APOC1: variants seen among roughly 807,000 people sequenced by gnomAD.
APOC1 encodes apolipoprotein C-I.
Under a neutral mutation model 6.7 loss-of-function variants are expected in APOC1, and 4 were observed. That is an observed-to-expected ratio of 0.60 (90% CI 0.29 to 1.37). The LOEUF is 1.37. Ranked by LOEUF, APOC1 falls within the 40% of genes most tolerant of loss-of-function variation. The pLI is 0.09. For synonymous variants in APOC1, 33 were observed against 40.6 expected (o/e 0.81, Z 0.72); for missense variants, 122 against 99.4 (o/e 1.23, Z -0.97).
At position 44,919,215 on chromosome 19, in the gene APOC1, C is replaced by G; in HGVS notation, c.237C>G (p.Leu79=). The G allele has an allele frequency of 1.2e-6, 2 of 1,613,954 alleles. No homozygotes were observed. The highest frequency in any genetic ancestry group is 1.7e-6 in the Non-Finnish European group (2 of 1,179,878). ...CATTTCAGAAAGTGAAGGAGAAACT[C>G]AAGATTGACTCATGAGGACCTGAAG... ...SETFQKVKEK[L]KIDS is the part of the protein sequence containing the mutation. Residue 79 remains leucine, a synonymous_variant, in exon 4 of 4, where the codon CTC becomes CTG. Transcript: ENST00000592535.
chr19:44,916,414 A>C, intron 3 of APOC1, 89 bp downstream of exon 3: 1 of 1,559,996 alleles, frequency 6.4e-7, no homozygotes, highest in Non-Finnish European at 8.7e-7. Context: ...GATTGAAAAA[A>C]AAACAAGTCC....
chr19:44,918,867 C>G (rs763322222), intron 3 of APOC1: 6 of 354,150 alleles, frequency 1.7e-5, no homozygotes, highest in Non-Finnish European at 3.1e-5. Context: ...CCATGTTGCC[C>G]AGGTTGGTCT....
chr19:44,916,457 A>G lies in APOC1; in HGVS notation c.194+132A>G, dbSNP rs1970011601. On this transcript the variant is annotated intron_variant, in intron 3 of 3. Coordinates refer to ENST00000592535, the MANE Select transcript of APOC1 (RefSeq NM_001645.5). ...GCTGACAACATCCCTCTGGTCACAC[A>G]GCTAGATCTCAAGGTGCTCAGACTT... 1.3e-5 allele frequency: 15 copies of G among 1,196,654 alleles called. No homozygotes were observed. The East Asian group carries it at 3.9e-4, about 31-fold the overall frequency. The allele number at this position is 1,196,654 out of a possible 1,614,324, so 74.1% of individuals were successfully genotyped here.
Position 44,919,278 on chromosome 19 carries a change from C to G in APOC1, c.*48C>G. On this transcript the variant is annotated 3_prime_UTR_variant, in exon 4 of 4. Transcript: ENST00000592535. ...GGAGGGGCCTCTGAAATTTCCCACA[C>G]CCCAGCGCCTGTGCTGAGGACTCCC... is the stretch of plus-strand genomic sequence containing the variant. The G allele has an allele frequency of 6.4e-7, 1 of 1,551,884 alleles. No individual in the cohort carries two copies. Among genetic ancestry groups the G allele is most frequent in the Non-Finnish European group, 8.9e-7 (1 of 1,123,852 alleles).
Position 44,917,690 on chromosome 19 carries a change from G to A in APOC1, c.194+1365G>A, listed in dbSNP as rs577279615. Among the ~76,000 whole-genome samples, 37 of 151,664 alleles carry A rather than the reference G, an allele frequency of 2.4e-4. 1 individual carries two copies. In the East Asian group the frequency reaches 6.9e-3, roughly 28 times the overall value. ...AGCCAGGCATAAACTTAGAAAGATC[G>A]TTTGGAGGCCAGGCACAATGGCTCA... On this transcript the variant is annotated intron_variant, in intron 3 of 3. Coordinates refer to ENST00000592535, the MANE Select transcript of APOC1 (RefSeq NM_001645.5).
rs1969972388 is a variant in APOC1 at position 44,914,731 on chromosome 19, C to T, written c.-23C>T. ...CCAACCAAGCCCTCCAGCAAGGATT[C>T]AGGTTGGTGCTGAGTGCCTGGGAGG... is the stretch of plus-strand genomic sequence containing the variant. On this transcript the variant is annotated splice_region_variant and 5_prime_UTR_variant, in exon 1 of 4. Transcript: ENST00000592535. 6 of 665,080 alleles carry T rather than the reference C, an allele frequency of 9.0e-6. No homozygotes were observed. Among genetic ancestry groups the T allele is most frequent in the Non-Finnish European group, 1.6e-5 (6 of 378,690 alleles). 41.2% of individuals were successfully genotyped at this position (665,080 alleles called of 1,614,324 possible).
rs1970062098 is a variant in APOC1 at position 44,919,340 on chromosome 19, C to T, written c.*110C>T. On this transcript the variant is annotated 3_prime_UTR_variant, in exon 4 of 4. Transcript: ENST00000592535. ...CCAGGTGCCACCAATAAAAATCCTA[C>T]AGAAAATTCTCTCCTGAGTGCTTCT... 2 of 990,518 alleles carry T rather than the reference C, an allele frequency of 2.0e-6. No individual in the cohort carries two copies. The highest frequency in any genetic ancestry group is 1.9e-5 in the Admixed American group (1 of 52,016). 61.4% of individuals were successfully genotyped at this position (990,518 alleles called of 1,614,324 possible).
intron 3 of APOC1, chr19:44,916,597 T>C (rs1344359284): frequency 1.9e-6 from 1 of 531,886 alleles, no homozygotes; most frequent in Non-Finnish European, 3.3e-6. Flanking sequence ...GTGGGCTGAT[T>C]GCCTGAGGTC....
chr19:44,917,488 G>A (rs1003347137), intron 3 of APOC1, among the ~76,000 whole-genome samples: 1 of 152,136 alleles, frequency 6.6e-6, no homozygotes, highest in African/African-American at 2.4e-5. Flanking sequence ...TGAGGCGAGA[G>A]GATTGCTTGA....
chr19:44,914,806 C>G, intron 1 of APOC1, 66 bp from the exon 2 acceptor site: 1 of 1,358,648 alleles, frequency 7.4e-7, no homozygotes, highest in East Asian at 2.3e-5. Flanking sequence ...ATGAGGGGAT[C>G]GTGGGAGGGA....
intron 2 of APOC1, chr19:44,915,255 G>A (rs1969983536): frequency 2.5e-6 from 1 of 396,806 alleles, no homozygotes; most frequent in Non-Finnish European, 4.7e-6. Flanking sequence ...GGTCAGTGCT[G>A]AGTAAGGCAA....
Position 44,916,246 on chromosome 19 carries a change from G to A in APOC1, c.115G>A (p.Glu39Lys). ...CTCCAGTGCCTTGGATAAGCTGAAGGAGTTTGGAAACACACTGGAGGACAA... is the reference window on the plus strand; with the variant it reads ...CTCCAGTGCCTTGGATAAGCTGAAGAAGTTTGGAAACACACTGGAGGACAA... Reference protein sequence around the residue: ...DVSSALDKLKEFGNTLEDKAR... With the variant: ...DVSSALDKLKKFGNTLEDKAR... Residue 39 changes from glutamate (E) to lysine (K), a missense_variant, in exon 3 of 4, where the codon GAG becomes AAG. Physicochemically the swap from Glu to Lys is moderately conservative, Grantham distance 56. Transcript: ENST00000592535. The A allele has an allele frequency of 6.8e-6, 11 of 1,613,330 alleles. No individual in the cohort carries two copies. The highest frequency in any genetic ancestry group is 9.3e-6 in the Non-Finnish European group (11 of 1,179,816).
intron 2 of APOC1, 165 bp downstream of exon 2, chr19:44,915,114 T>A: frequency 1.4e-6 from 1 of 695,480 alleles, no homozygotes; most frequent in African/African-American, 1.8e-5. Context: ...CCAGGCTCAG[T>A]CCCGCAGGCG....
At chr19:44,916,688 C>T (rs574752816) in intron 3 of APOC1, among the ~76,000 whole-genome samples, 4 of 150,568 alleles carry the variant, frequency 2.7e-5, no homozygotes, top group East Asian at 2.0e-4. Flanking sequence ...GGCATGGTGG[C>T]GTGCACCTGT....
At chr19:44,917,782 C>A (rs1599962848) in intron 3 of APOC1, among the ~76,000 whole-genome samples, 2 of 151,310 alleles carry the variant, frequency 1.3e-5, no homozygotes, top group African/African-American at 4.9e-5. Flanking sequence ...AGTTCGAGAC[C>A]AGCCTAACAT....
intron 3 of APOC1, among the ~76,000 whole-genome samples, chr19:44,917,079 C>G (rs1299999816): frequency 6.6e-6 from 1 of 152,030 alleles, no homozygotes; most frequent in African/African-American, 2.4e-5. Flanking sequence ...GTGATCTTGA[C>G]AGAGGGGCAT....
chr19:44,917,436 G>A (rs1970028860), intron 3 of APOC1, among the ~76,000 whole-genome samples: 1 of 151,898 alleles, frequency 6.6e-6, no homozygotes, highest in Admixed American at 6.6e-5. Context: ...AAATTAGCTG[G>A]GCATGGTGGC....
At chr19:44,915,967 T>TCAAAA (rs1159432337) in intron 2 of APOC1, among the ~76,000 whole-genome samples, 4 of 150,738 alleles carry the variant, frequency 2.7e-5, no homozygotes, top group African/African-American at 4.9e-5. Context: ...AGACTCCGTC[T>TCAAAA]CAAAACAAAA....
In APOC1 at chr19:44,919,294, G is replaced by A; in HGVS notation, c.*64G>A. On this transcript the variant is annotated 3_prime_UTR_variant, in exon 4 of 4. Transcript: ENST00000592535. ...TTTCCCACACCCCAGCGCCTGTGCT[G>A]AGGACTCCCTCCATGTGGCCCCAGG... 6.9e-7 allele frequency: 1 copy of A among 1,449,936 alleles called. No individual in the cohort carries two copies. The highest frequency in any genetic ancestry group is 9.7e-7 in the Non-Finnish European group (1 of 1,033,324). 89.8% of individuals were successfully genotyped at this position (1,449,936 alleles called of 1,614,324 possible).
Sources: gnomAD v4.1 joint callset for allele counts (sites outside exome capture counted in the v4.1 genomes callset) on GRCh38, gnomAD v4.1.1 for gene constraint, MANE v1.5 for transcripts, NCBI Gene and HGNC (gene_info 2026-07-23, HGNC 2026-07-21) for gene names.